KAT6B: variants seen among roughly 807,000 people sequenced by gnomAD.
KAT6B encodes the protein lysine acetyltransferase 6B, also known as histone acetyltransferase KAT6B.
KAT6B carries 10 observed loss-of-function variants against 187.5 expected under a neutral mutation model. The observed-to-expected ratio is 0.05, with a 90% CI of 0.03 to 0.09. The LOEUF is 0.09. Among genes scored for constraint, KAT6B ranks in the 10% least tolerant of loss-of-function variants. The pLI, the probability that KAT6B is intolerant of heterozygous loss-of-function variation, is 1.00. For synonymous variants in KAT6B, 861 were observed against 926.8 expected (o/e 0.93, Z 1.29); for missense variants, 1,952 against 2,558.9 (o/e 0.76, Z 5.12).
Position 74,850,664 on chromosome 10 carries a change from A to G in KAT6B, c.621+7186A>G, listed in dbSNP as rs1842421308. 2.6e-5 allele frequency among the ~76,000 whole-genome samples: 4 copies of G among 152,364 alleles called. No individual in the cohort carries two copies. The South Asian group carries it at 6.2e-4, about 24-fold the overall frequency. ...GGTGAGGGAACTCCTAAAGGATAGTATTAATGTTTCTCATTAAAAGTAGTA... is the reference window on the plus strand; with the variant it reads ...GGTGAGGGAACTCCTAAAGGATAGTGTTAATGTTTCTCATTAAAAGTAGTA... On this transcript the variant is annotated intron_variant, in intron 3 of 17. Coordinates refer to ENST00000287239, the MANE Select transcript of KAT6B (RefSeq NM_012330.4).
In KAT6B at chr10:75,029,825, T is replaced by C; in HGVS notation, c.5001T>C (p.Phe1667=). ...DHSQQVVDSG[F]SDLGSIESTT... Reference sequence around the variant, plus strand: ...CACAGCAAGTCGTAGACAGTGGATTTAGTGACCTGGGCAGTATCGAGAGCA... The same window carrying C: ...CACAGCAAGTCGTAGACAGTGGATTCAGTGACCTGGGCAGTATCGAGAGCA... Residue 1667 remains phenylalanine, a synonymous_variant, in exon 18 of 18, where the codon TTT becomes TTC. Transcript: ENST00000287239. This position sits in a 1 kb window ranked among gnomAD's most constrained non-coding sequence, Gnocchi z 6.2. The C allele has an allele frequency of 1.2e-6, 2 of 1,614,234 alleles. No homozygotes were observed. Among genetic ancestry groups the C allele is most frequent in the Non-Finnish European group, 1.7e-6 (2 of 1,180,046 alleles).
chr10:74,826,102 C>G (rs1261338083), upstream of KAT6B, among the ~76,000 whole-genome samples: 1 of 151,216 alleles, frequency 6.6e-6, no homozygotes, highest in African/African-American at 2.4e-5. Flanking sequence ...GCGATCAGCT[C>G]TCACACAAAC....
At chr10:74,899,092 C>T (rs534505664) in intron 3 of KAT6B, among the ~76,000 whole-genome samples, 4 of 149,662 alleles carry the variant, frequency 2.7e-5, no homozygotes, top group South Asian at 2.1e-4. Context: ...ACCCAAGAGG[C>T]GGAGGTTGCA....
chr10:74,837,059 G>A (rs1234921908), intron 1 of KAT6B, among the ~76,000 whole-genome samples: 1 of 152,104 alleles, frequency 6.6e-6, no homozygotes, highest in Non-Finnish European at 1.5e-5. Flanking sequence ...AACACACACA[G>A]CTTTAGTAAA....
intron 4 of KAT6B, among the ~76,000 whole-genome samples, chr10:74,968,172 C>T (rs529682282): frequency 5.3e-5 from 8 of 152,314 alleles, no homozygotes; most frequent in African/African-American, 1.9e-4. Flanking sequence ...GACAAGCAAG[C>T]TGTCTTTGTT....
At chr10:74,839,449 C>G (rs2132039512) in intron 2 of KAT6B, among the ~76,000 whole-genome samples, 1 of 152,094 alleles carries the variant, frequency 6.6e-6, no homozygotes, top group East Asian at 2.0e-4. Flanking sequence ...CCAGGCTGGT[C>G]TTGAACTCCT....
chr10:74,899,336 G>A (rs749402600), intron 3 of KAT6B, among the ~76,000 whole-genome samples: 13 of 150,184 alleles, frequency 8.7e-5, no homozygotes, highest in East Asian at 2.0e-4. Flanking sequence ...ATGCAATGGC[G>A]CGATCTCGGC....
intron 17 of KAT6B, chr10:75,025,728 G>T: frequency 5.8e-6 from 1 of 173,012 alleles, no homozygotes; most frequent in African/African-American, 2.4e-5. Context: ...CTACTATAAA[G>T]ATTCATCTAA....
At chr10:74,976,508 C>A (rs764213580) in intron 8 of KAT6B, 178 bp downstream of exon 8, 2 of 653,124 alleles carry the variant, frequency 3.1e-6, no homozygotes, top group Non-Finnish European at 5.4e-6. Flanking sequence ...GCTGACTAAA[C>A]CTCCAAAATG....
chr10:74,995,518 CT>C (rs1451635834), intron 13 of KAT6B, among the ~76,000 whole-genome samples: 41 of 152,094 alleles, frequency 2.7e-4, no homozygotes, highest in African/African-American at 9.7e-4. Context: ...GTAGTTTATC[CT>C]TCCTGTTTCT....
intron 3 of KAT6B, among the ~76,000 whole-genome samples, chr10:74,883,523 C>T (rs1397387675): frequency 6.6e-6 from 1 of 152,074 alleles, no homozygotes; most frequent in African/African-American, 2.4e-5. Context: ...TTTGACCTTT[C>T]CTTTAGTAGG....
chr10:74,959,963 G>A lies in KAT6B; in HGVS notation c.622-7G>A, dbSNP rs751195432. On this transcript the variant is annotated splice_region_variant and splice_polypyrimidine_tract_variant and intron_variant, in intron 3 of 17. Transcript: ENST00000287239. ...TGACAGTATTTTTTATTTTAATTTT[G>A]TCATAGCCCCGTGCTGATCCCATTC... The A allele has an allele frequency of 5.7e-6, 9 of 1,570,132 alleles. No individual in the cohort carries two copies. The highest frequency in any genetic ancestry group is 1.7e-4 in the Middle Eastern group (1 of 6,008).
intron 10 of KAT6B, among the ~76,000 whole-genome samples, chr10:74,981,352 T>TTCCTTCCTTTC (rs1286645064): frequency 9.4e-4 from 102 of 108,586 alleles, no homozygotes; most frequent in African/African-American, 4.9e-3. Context: ...TCTTCCTTTC[T>TTCCTTCCTTTC]TTCCTTTCTT....
intron 3 of KAT6B, among the ~76,000 whole-genome samples, chr10:74,879,640 C>T (rs1413954605): frequency 1.3e-5 from 2 of 152,198 alleles, no homozygotes; most frequent in Non-Finnish European, 2.9e-5. Context: ...TAATGCCATT[C>T]TGAGAAGCCT....
intron 3 of KAT6B, among the ~76,000 whole-genome samples, chr10:74,908,333 C>T (rs775858445): frequency 2.0e-5 from 3 of 152,102 alleles, no homozygotes; most frequent in East Asian, 3.9e-4. Context: ...GAGGCCGAGG[C>T]GGGCAGATCA....
chr10:74,979,335 G>A lies in KAT6B; in HGVS notation c.2227G>A (p.Ala743Thr). 6.3e-7 allele frequency: 1 copy of A among 1,590,014 alleles called. No homozygotes were observed. Among genetic ancestry groups the A allele is most frequent in the Non-Finnish European group, 8.6e-7 (1 of 1,158,098 alleles). Residue 743 changes from alanine (A) to threonine (T), a missense_variant, in exon 10 of 18, where the codon GCA becomes ACA. By Grantham distance (58) the Ala-to-Thr change is moderately conservative. This residue lies in a region of KAT6B where 87 missense variants were observed against 191.8 expected (regional missense o/e 0.45). Transcript: ENST00000287239. Reference protein sequence around the residue: ...WYSSPYPQEYARLPKLYLCEF... With the variant: ...WYSSPYPQEYTRLPKLYLCEF... The stretch of plus-strand genomic sequence containing the variant: ...CTCCTCGCCTTACCCACAGGAATAT[G>A]CAAGGTAATGGAATAAGTCTGGCAG...
At chr10:74,907,449 C>T (rs1046520994) in intron 3 of KAT6B, among the ~76,000 whole-genome samples, 3 of 152,220 alleles carry the variant, frequency 2.0e-5, no homozygotes, top group African/African-American at 7.2e-5. Context: ...TTCTTCAGTG[C>T]AGTCACACTG....
intron 16 of KAT6B, 91 bp downstream of exon 16, chr10:75,022,322 C>T (rs1482535400): frequency 1.4e-6 from 2 of 1,426,362 alleles, no homozygotes; most frequent in Admixed American, 1.7e-5. Context: ...TTGTTTCACT[C>T]TCTGTTCTTT....
chr10:74,858,899 G>A (rs1309090851), intron 3 of KAT6B, among the ~76,000 whole-genome samples: 1 of 151,298 alleles, frequency 6.6e-6, no homozygotes, highest in African/African-American at 2.4e-5. Context: ...AGATTGCGGT[G>A]AGCCAATATT....
Sources: allele counts gnomAD v4.1 joint callset (sites outside exome capture counted in the v4.1 genomes callset), GRCh38; gene constraint gnomAD v4.1.1; regional missense constraint gnomAD v4.1.1; non-coding constraint Gnocchi (gnomAD v3.1); transcripts MANE v1.5; gene names NCBI Gene and HGNC (gene_info 2026-07-23, HGNC 2026-07-21).